The following PIK3R6 variants were observed in gnomAD, a reference collection of about 807,000 sequenced individuals.
The protein encoded by PIK3R6 is phosphoinositide 3-kinase regulatory subunit 6.
PIK3R6 carries 91 observed loss-of-function variants against 84.9 expected under a neutral mutation model. The observed-to-expected ratio is 1.07, with a 90% CI of 0.90 to 1.28. The LOEUF is 1.28. PIK3R6 is among the 50% of genes most tolerant of loss of function. The pLI is 0.00. For missense variants in PIK3R6, 996 were observed against 985.1 expected, an observed-to-expected ratio of 1.01 and a Z score of -0.15; for synonymous variants, 416 against 411.4, an observed-to-expected ratio of 1.01 and a Z score of -0.13.
At chr17:8,814,713 C>T (rs2087471826) in intron 18 of PIK3R6, among the ~76,000 whole-genome samples, 1 of 151,790 alleles carries the variant, frequency 6.6e-6, no homozygotes, top group Non-Finnish European at 1.5e-5. Flanking sequence ...ATTCATAGTT[C>T]CAGAAAGAGA....
At position 8,804,552 on chromosome 17, in the gene PIK3R6, G is replaced by A. The variant is rs143153143; in HGVS notation, c.1996-399C>T. Among the ~76,000 whole-genome samples the A allele has an allele frequency of 2.7e-3, 408 of 152,194 alleles. 2 individuals are homozygous for A. The highest frequency in any genetic ancestry group is 9.1e-3 in the African/African-American group (376 of 41,516). ...CAGGGGTTTTAAAAGTCTTGACCCC[G>A]GTTCTCAGCATTAAATCACATACAA... is the stretch of plus-strand genomic sequence containing the variant. On this transcript the variant is annotated intron_variant, in intron 18 of 19. Coordinates refer to ENST00000619866, the MANE Select transcript of PIK3R6 (RefSeq NM_001010855.4).
At chr17:8,858,674 C>T (rs544499692) in intron 1 of PIK3R6, among the ~76,000 whole-genome samples, 10 of 152,148 alleles carry the variant, frequency 6.6e-5, no homozygotes, top group South Asian at 2.1e-4. Flanking sequence ...AAAACGGTGG[C>T]GATGGCAGGA....
At chr17:8,828,540 C>A in intron 11 of PIK3R6, 27 bp downstream of exon 11, 1 of 1,605,252 alleles carries the variant, frequency 6.2e-7, no homozygotes, top group Non-Finnish European at 8.5e-7. Flanking sequence ...CCAGCGCCCA[C>A]CCCCAGCCCC....
chr17:8,833,001 C>T lies in PIK3R6; in HGVS notation c.690G>A (p.Val230=), dbSNP rs764184226. ...CGCTGGCCATCTGCTCCAAGGCGGC[C>T]ACCACGGCGTGGAAATAGTGCTCCA... is the stretch of plus-strand genomic sequence containing the variant. ...RTLEHYFHAV[V]AALEQMASEA... is the part of the protein sequence containing the mutation. Residue 230 remains valine (V), a synonymous_variant, in exon 9 of 20, where the codon GTG becomes GTA. Transcript: ENST00000619866. 6.2e-7 allele frequency: 1 copy of T among 1,610,720 alleles called. No homozygotes were observed. The highest frequency in any genetic ancestry group is 8.5e-7 in the Non-Finnish European group (1 of 1,179,470).
Position 8,828,729 on chromosome 17 carries a change from G to A in PIK3R6, c.1151C>T (p.Pro384Leu), listed in dbSNP as rs2088041836. ...CCCTGGGGGCCCGTCCCAGCTGCCA[G>A]GCATCAAGAAGTCCAGGGGCCATGC... ...KRAWPLDFLMPGSWDGPPGLH... is the reference protein window; with the variant it reads ...KRAWPLDFLMLGSWDGPPGLH... The change falls in exon 11 of 20, where the codon CCT becomes CTT. Residue 384 changes from proline to leucine, a missense_variant. Coordinates refer to ENST00000619866, the MANE Select transcript of PIK3R6 (RefSeq NM_001010855.4). 1 of 1,608,788 alleles carries A rather than the reference G, an allele frequency of 6.2e-7. No homozygotes were observed. Among genetic ancestry groups the A allele is most frequent in the African/African-American group, 1.3e-5 (1 of 74,822 alleles).
intron 2 of PIK3R6, among the ~76,000 whole-genome samples, chr17:8,845,416 G>A (rs1359979278): frequency 6.6e-6 from 1 of 152,146 alleles, no homozygotes; most frequent in Non-Finnish European, 1.5e-5. Flanking sequence ...AATTAGTAAC[G>A]TAGAGCATTT....
intron 10 of PIK3R6, among the ~76,000 whole-genome samples, 154 bp from the exon 11 acceptor site, chr17:8,829,144 G>A (rs1158478673): frequency 1.3e-5 from 2 of 151,926 alleles, no homozygotes; most frequent in Non-Finnish European, 2.9e-5. Context: ...CTCACACACA[G>A]AGACACACAG....
intron 8 of PIK3R6, among the ~76,000 whole-genome samples, chr17:8,835,024 G>A (rs1374405692): frequency 6.6e-6 from 1 of 152,016 alleles, no homozygotes; most frequent in South Asian, 2.1e-4. Context: ...CTTTAGTAGA[G>A]ACTGGATTTC....
At chr17:8,820,846 C>T (rs142914370) in intron 17 of PIK3R6, among the ~76,000 whole-genome samples, 6 of 152,238 alleles carry the variant, frequency 3.9e-5, no homozygotes, top group African/African-American at 7.2e-5. Flanking sequence ...AGTAAATACT[C>T]GTGGTTGGAT....
chr17:8,805,648 G>A (rs2087182746), intron 18 of PIK3R6, among the ~76,000 whole-genome samples: 1 of 152,100 alleles, frequency 6.6e-6, no homozygotes, highest in African/African-American at 2.4e-5. Flanking sequence ...GGGCGCGGTG[G>A]CTCATGCCTA....
intron 13 of PIK3R6, among the ~76,000 whole-genome samples, chr17:8,825,157 G>A (rs530574314): frequency 6.6e-6 from 1 of 152,188 alleles, no homozygotes; most frequent in South Asian, 2.1e-4. Flanking sequence ...GCTGTATGAC[G>A]CAAACTTTAC....
intron 18 of PIK3R6, among the ~76,000 whole-genome samples, chr17:8,815,880 A>G (rs8065505): frequency 0.04 from 6,042 of 152,334 alleles, 421 homozygotes; most frequent in African/African-American, 0.13. Flanking sequence ...CTACAAGCCC[A>G]TCCAGATGTG....
rs1435380418 is a variant in PIK3R6 at position 8,833,016 on chromosome 17, A to G, written c.675T>C (p.Tyr225=). The G allele has an allele frequency of 2.5e-6, 4 of 1,608,556 alleles. No homozygotes were observed. Among genetic ancestry groups the G allele is most frequent in the Non-Finnish European group, 3.4e-6 (4 of 1,178,990 alleles). ...QASPRRTLEH[Y]FHAVVAALEQ... is the part of the protein sequence containing the mutation. ...CCAAGGCGGCCACCACGGCGTGGAA[A>G]TAGTGCTCCAGGGTGCGGCGAGGGC... The change falls in exon 9 of 20, where the codon TAT becomes TAC. Residue 225 remains tyrosine, a synonymous_variant. Coordinates refer to ENST00000619866, the MANE Select transcript of PIK3R6 (RefSeq NM_001010855.4).
chr17:8,834,553 T>C (rs895484671), intron 8 of PIK3R6, among the ~76,000 whole-genome samples: 26 of 151,524 alleles, frequency 1.7e-4, no homozygotes, highest in African/African-American at 5.1e-4. Context: ...GTCTGGTATT[T>C]TTTTTTTTTT....
chr17:8,804,948 G>C (rs532551940), intron 18 of PIK3R6, among the ~76,000 whole-genome samples: 2 of 152,198 alleles, frequency 1.3e-5, no homozygotes, highest in Non-Finnish European at 2.9e-5. Context: ...GCCCAGGTAC[G>C]GGCATTTTTT....
chr17:8,830,083 T>C (rs976326427), intron 9 of PIK3R6, among the ~76,000 whole-genome samples: 2 of 152,204 alleles, frequency 1.3e-5, no homozygotes, highest in Non-Finnish European at 2.9e-5. Context: ...CCTATGCTCC[T>C]ATGCTGGCCA....
rs1356223157 is a variant in PIK3R6, at chr17:8,849,767, C to T, written c.13+15G>A. ...CAGCAGGCTCACTAGACCCCTTTCC[C>T]CCCACCACACTGACCTGAGCTCTCC... On this transcript the variant is annotated intron_variant, in intron 2 of 19. Coordinates refer to ENST00000619866, the MANE Select transcript of PIK3R6 (RefSeq NM_001010855.4). 10 of 1,611,036 alleles carry T rather than the reference C, an allele frequency of 6.2e-6. No individual in the cohort carries two copies. Among genetic ancestry groups the T allele is most frequent in the Non-Finnish European group, 8.5e-6 (10 of 1,178,426 alleles).
chr17:8,837,748 C>T (rs1178700233), intron 5 of PIK3R6, 55 bp downstream of exon 5: 1 of 1,476,130 alleles, frequency 6.8e-7, no homozygotes, highest in East Asian at 2.3e-5. Context: ...GGAGAGTGTC[C>T]AGCCCAGCCA....
chr17:8,859,610 C>T (rs981292773), intron 1 of PIK3R6, among the ~76,000 whole-genome samples: 2 of 152,144 alleles, frequency 1.3e-5, no homozygotes, highest in South Asian at 2.1e-4. Context: ...GTGGGCATCA[C>T]GTGATCTGCT....
Sources: allele counts gnomAD v4.1 joint callset (sites outside exome capture counted in the v4.1 genomes callset), GRCh38; gene constraint gnomAD v4.1.1; transcripts MANE v1.5; gene names NCBI Gene and HGNC (gene_info 2026-07-23, HGNC 2026-07-21).